ROBO2: variants seen among roughly 807,000 people sequenced by gnomAD.
The protein encoded by ROBO2 is roundabout homolog 2.
Under a neutral mutation model 160.8 loss-of-function variants are expected in ROBO2, and 53 were observed. The ratio of observed to expected loss-of-function variants is 0.33; its 90% CI spans 0.26 to 0.41. The LOEUF (loss-of-function observed/expected upper bound fraction) is 0.41. Among genes scored for constraint, ROBO2 ranks in the 10% least tolerant of loss-of-function variants. ROBO2 has a pLI of 1.00. For missense variants in ROBO2, 1,577 were observed against 1,722.4 expected (o/e 0.92, Z 1.49); for synonymous variants, 664 against 611.7 (o/e 1.09, Z -1.26).
At chr3:76,557,021 A>T (rs2083839064) in intron 2 of ROBO2, among the ~76,000 whole-genome samples, 1 of 152,108 alleles carries the variant, frequency 6.6e-6, no homozygotes, top group African/African-American at 2.4e-5. Context: ...ATTTACAATT[A>T]CACATATTAT....
At chr3:77,511,633 G>A (rs915033045) in intron 5 of ROBO2, among the ~76,000 whole-genome samples, 3 of 152,048 alleles carry the variant, frequency 2.0e-5, no homozygotes, top group Non-Finnish European at 4.4e-5. Context: ...CAGTCAGGCC[G>A]AAGAGAGAGC....
intron 2 of ROBO2, among the ~76,000 whole-genome samples, chr3:76,568,025 G>A (rs973616135): frequency 6.6e-6 from 1 of 151,224 alleles, no homozygotes; most frequent in South Asian, 2.1e-4. Flanking sequence ...ATGTTGCCCA[G>A]GATGGTCTCA....
chr3:77,488,178 A>G (rs2085613326), intron 4 of ROBO2, among the ~76,000 whole-genome samples: 1 of 152,216 alleles, frequency 6.6e-6, no homozygotes, highest in Non-Finnish European at 1.5e-5. Flanking sequence ...CTTGAGAGCC[A>G]TACTTTACAG....
At chr3:77,453,654 A>G (rs1302310122) in intron 2 of ROBO2, among the ~76,000 whole-genome samples, 1 of 152,128 alleles carries the variant, frequency 6.6e-6, no homozygotes, top group Non-Finnish European at 1.5e-5. Context: ...AATTTAGTTA[A>G]TATTCCTGAT....
chr3:76,689,680 G>A (rs559222292), intron 2 of ROBO2, among the ~76,000 whole-genome samples: 15 of 152,242 alleles, frequency 9.9e-5, no homozygotes, highest in African/African-American at 3.6e-4. Context: ...TTGAAGAAGA[G>A]CATGGGAGAG....
intron 2 of ROBO2, among the ~76,000 whole-genome samples, chr3:75,994,511 T>G (rs1365145145): frequency 6.6e-6 from 1 of 152,202 alleles, no homozygotes; most frequent in African/African-American, 2.4e-5. Context: ...GCATTTCCCC[T>G]GCTGGCACTC....
chr3:76,879,188 T>C (rs1476595554), intron 2 of ROBO2, among the ~76,000 whole-genome samples: 2 of 152,150 alleles, frequency 1.3e-5, no homozygotes, highest in Non-Finnish European at 2.9e-5. Context: ...GACCCTTTTA[T>C]ATTGAAAACA....
chr3:77,617,718 G>C, exon 22 of ROBO2: 5 of 1,613,906 alleles, frequency 3.1e-6, no homozygotes, highest in Non-Finnish European at 4.2e-6. Context: ...CATGCTGCAG[G>C]CTCACCTGGA....
At chr3:77,550,225 T>C (rs1304569699) in intron 7 of ROBO2, among the ~76,000 whole-genome samples, 2 of 152,096 alleles carry the variant, frequency 1.3e-5, no homozygotes, top group Non-Finnish European at 2.9e-5. Flanking sequence ...ATTTGCTTAC[T>C]CTTGCTTAAA....
chr3:76,261,484 A>G (rs1033496769), intron 2 of ROBO2, among the ~76,000 whole-genome samples: 2 of 151,978 alleles, frequency 1.3e-5, no homozygotes, highest in African/African-American at 4.8e-5. Context: ...AGTTATGTTC[A>G]CAATTTGGAT....
chr3:77,606,333 A>G (rs2094525676), intron 20 of ROBO2, among the ~76,000 whole-genome samples: 1 of 152,204 alleles, frequency 6.6e-6, no homozygotes, highest in African/African-American at 2.4e-5. Context: ...GTAACTTTAT[A>G]TCTGTTTTAC....
At chr3:76,705,871 T>C (rs567141738) in intron 2 of ROBO2, among the ~76,000 whole-genome samples, 1 of 152,256 alleles carries the variant, frequency 6.6e-6, no homozygotes, top group East Asian at 1.9e-4. Flanking sequence ...AATGACTTCC[T>C]GACAATAATG....
intron 2 of ROBO2, among the ~76,000 whole-genome samples, chr3:76,833,926 TTTCC>T (rs922801080): frequency 3.3e-5 from 5 of 151,536 alleles, no homozygotes; most frequent in African/African-American, 1.2e-4. Context: ...TTTTTTCTTT[TTTCC>T]TTCCTTCCTT....
chr3:77,168,612 A>G (rs1399493927), intron 2 of ROBO2, among the ~76,000 whole-genome samples: 2 of 152,146 alleles, frequency 1.3e-5, no homozygotes, highest in South Asian at 2.1e-4. Context: ...TCTCATTAGA[A>G]TGTTATACCT....
chr3:77,124,353 G>T (rs891781323), intron 2 of ROBO2, among the ~76,000 whole-genome samples: 1 of 152,048 alleles, frequency 6.6e-6, no homozygotes, highest in Non-Finnish European at 1.5e-5. Flanking sequence ...TTTCAAGCCG[G>T]GAAAGAGTAG....
intron 2 of ROBO2, among the ~76,000 whole-genome samples, chr3:76,402,581 AT>A (rs1377409094): frequency 6.6e-6 from 1 of 151,442 alleles, no homozygotes; most frequent in Non-Finnish European, 1.5e-5. Context: ...AGGTTGCATT[AT>A]TTTCTGGAGG....
At chr3:76,453,339 G>A (rs1056635753) in intron 2 of ROBO2, among the ~76,000 whole-genome samples, 2 of 152,118 alleles carry the variant, frequency 1.3e-5, no homozygotes, top group Admixed American at 1.3e-4. Context: ...AATCCATCTT[G>A]AATTAATTTT....
intron 2 of ROBO2, among the ~76,000 whole-genome samples, chr3:76,963,854 A>T (rs2079857999): frequency 6.6e-6 from 1 of 150,776 alleles, no homozygotes; most frequent in South Asian, 2.1e-4. Context: ...AAAAAAGAAA[A>T]AAAAGAAAAA....
intron 2 of ROBO2, among the ~76,000 whole-genome samples, chr3:76,230,741 A>G (rs1256759835): frequency 6.6e-6 from 1 of 152,046 alleles, no homozygotes; most frequent in Non-Finnish European, 1.5e-5. Context: ...TAATTCCCAG[A>G]AAGATATGTT....
Sources: allele counts gnomAD v4.1 joint callset (sites outside exome capture counted in the v4.1 genomes callset), GRCh38; gene constraint gnomAD v4.1.1; transcripts MANE v1.5; gene names NCBI Gene and HGNC (gene_info 2026-07-23, HGNC 2026-07-21).